The following DMD variants were observed in gnomAD, a reference collection of about 807,000 sequenced individuals.
DMD encodes the protein mutant dystrophin.
In DMD, 63 loss-of-function variants were observed where a neutral mutation model predicts 330.1. That is an observed-to-expected ratio of 0.19 (90% confidence interval 0.16 to 0.24). The LOEUF is 0.24. DMD is among the 10% of genes least tolerant of loss of function. The pLI, the probability that DMD is intolerant of heterozygous loss-of-function variation, is 1.00. For synonymous variants in DMD, 1,223 were observed against 959.8 expected, an observed-to-expected ratio of 1.27 and a Z score of -5.07; for missense variants, 3,344 against 2,684.1, an observed-to-expected ratio of 1.25 and a Z score of -5.43.
intron 4 of DMD, among the ~76,000 whole-genome samples, chrX:32,833,757 A>G (rs1415548972): frequency 9.2e-6 from 1 of 108,961 alleles, no homozygotes; most frequent in Admixed American, 9.9e-5. Context: ...GTGACATTAT[A>G]AGAAATATTT....
intron 55 of DMD, among the ~76,000 whole-genome samples, chrX:31,577,525 G>A (rs2076160291): frequency 8.9e-6 from 1 of 111,986 alleles, no homozygotes; most frequent in African/African-American, 3.3e-5. Context: ...TATTTTGTGT[G>A]GCCTTTTAAA....
chrX:32,349,155 T>A (rs189358814), intron 37 of DMD, among the ~76,000 whole-genome samples: 1 of 111,727 alleles, frequency 9.0e-6, no homozygotes, highest in East Asian at 2.8e-4. Context: ...CTTGTAAACA[T>A]CAGTTTCTTT....
At chrX:32,156,917 G>A (rs146811086) in intron 44 of DMD, among the ~76,000 whole-genome samples, 1 of 110,029 alleles carries the variant, frequency 9.1e-6, no homozygotes, top group African/African-American at 3.3e-5. Flanking sequence ...TCCCAAGGTC[G>A]CCCAACAGAT....
intron 74 of DMD, among the ~76,000 whole-genome samples, chrX:31,153,757 A>G (rs1030158901): frequency 8.9e-6 from 1 of 112,225 alleles, no homozygotes; most frequent in African/African-American, 3.2e-5. Context: ...AAACAAACAT[A>G]TGACATACAG....
chrX:32,813,805 T>C (rs1195982160), intron 6 of DMD, among the ~76,000 whole-genome samples: 1 of 111,727 alleles, frequency 9.0e-6, no homozygotes, highest in African/African-American at 3.3e-5. Context: ...AGTTCCTTTC[T>C]AAACTTGGTA....
Position 32,415,736 on chromosome X carries a change from A to G in DMD, c.4072-3823T>C, listed in dbSNP as rs191722137. ...CAAATATAAGGAAAGTTAGAAAGAC[A>G]TCTTTTAATAACTGGCGATCAATGA... On this transcript the variant is annotated intron_variant, in intron 29 of 78. Transcript: ENST00000357033. Among the ~76,000 whole-genome samples the G allele has an allele frequency of 5.4e-4, 61 of 112,410 alleles. No homozygotes were observed. In the East Asian group the frequency reaches 0.015, roughly 28 times the overall value.
rs768988504 is a variant in DMD at position 32,614,527 on chromosome X, T to C, written c.1332-74A>G. The C allele has an allele frequency of 9.0e-6, 8 of 892,059 alleles. No homozygotes were observed. In the Admixed American group the frequency reaches 2.0e-4, roughly 23 times the overall value. The allele number at this position is 892,059 out of a possible 1,213,427, so 73.5% of individuals were successfully genotyped here. A position where few individuals can be genotyped will look rare whatever the true frequency, so the allele number is the denominator to read the frequency against. ...TACTGAACATCACAATGTAAAACAA[T>C]AGAATTTATAATATATGGAATGTTC... On this transcript the variant is annotated intron_variant, in intron 11 of 78. Coordinates refer to ENST00000357033, the MANE Select transcript of DMD (RefSeq NM_004006.3).
At chrX:32,479,522 G>T (rs2148535630) in intron 21 of DMD, among the ~76,000 whole-genome samples, 1 of 109,881 alleles carries the variant, frequency 9.1e-6, no homozygotes, top group Admixed American at 9.8e-5. Flanking sequence ...ATATAAGTGA[G>T]ATCATACAGT....
At chrX:31,376,496 T>A (rs1295910150) in intron 60 of DMD, among the ~76,000 whole-genome samples, 1 of 110,553 alleles carries the variant, frequency 9.0e-6, no homozygotes, top group Non-Finnish European at 1.9e-5. Context: ...GGTTGGGGAG[T>A]TTTTGTTATT....
intron 44 of DMD, among the ~76,000 whole-genome samples, chrX:31,996,580 A>AT (rs745331614): frequency 3.6e-5 from 4 of 111,395 alleles, no homozygotes; most frequent in African/African-American, 1.3e-4. Context: ...AAAAATCCAC[A>AT]TTTTTTTAGC....
intron 43 of DMD, among the ~76,000 whole-genome samples, chrX:32,265,442 A>C (rs981187827): frequency 5.3e-5 from 6 of 112,380 alleles, no homozygotes; most frequent in Non-Finnish European, 9.4e-5. Context: ...CTCAGAGAGA[A>C]CCTCTACTAG....
intron 60 of DMD, among the ~76,000 whole-genome samples, chrX:31,384,419 C>T (rs767881855): frequency 5.4e-5 from 6 of 111,244 alleles, no homozygotes; most frequent in Non-Finnish European, 9.4e-5. Flanking sequence ...ACTCTGATGA[C>T]CAGAGAAGAG....
intron 1 of DMD, among the ~76,000 whole-genome samples, chrX:33,234,084 T>C (rs1483779335): frequency 8.9e-6 from 1 of 111,969 alleles, no homozygotes; most frequent in African/African-American, 3.2e-5. Context: ...CCTTGCTTCC[T>C]GTCATTGCTC....
intron 60 of DMD, among the ~76,000 whole-genome samples, chrX:31,401,336 G>T (rs1360596407): frequency 9.0e-6 from 1 of 111,635 alleles, no homozygotes; most frequent in African/African-American, 3.3e-5. Flanking sequence ...TAGAAATATT[G>T]AATGCCAGAA....
At chrX:32,683,698 A>C (rs866120411) in intron 9 of DMD, among the ~76,000 whole-genome samples, 13 of 104,894 alleles carry the variant, frequency 1.2e-4, no homozygotes, top group Non-Finnish European at 1.4e-4. Flanking sequence ...ATGTTAAATG[A>C]TGAGTTAATG....
chrX:33,127,177 G>GA (rs35256957), intron 1 of DMD, among the ~76,000 whole-genome samples: 4 of 107,261 alleles, frequency 3.7e-5, no homozygotes, highest in African/African-American at 6.8e-5. Flanking sequence ...TCACCCCCCT[G>GA]AAAAAAAAAC....
chrX:32,462,605 TG>T (rs1186978666), intron 25 of DMD, among the ~76,000 whole-genome samples: 1 of 104,407 alleles, frequency 9.6e-6, no homozygotes, highest in Non-Finnish European at 1.9e-5. Flanking sequence ...ATTTTGTGTG[TG>T]TTTTTTTTTG....
At chrX:32,029,870 A>T (rs776755388) in intron 44 of DMD, among the ~76,000 whole-genome samples, 77 of 111,768 alleles carry the variant, frequency 6.9e-4, no homozygotes, top group African/African-American at 2.4e-3. Context: ...AAATAATCAC[A>T]TTGACATTGT....
At chrX:32,509,054 C>T (rs1479685246) in intron 18 of DMD, among the ~76,000 whole-genome samples, 2 of 109,936 alleles carry the variant, frequency 1.8e-5, no homozygotes, top group Non-Finnish European at 3.8e-5. Flanking sequence ...TCATGATCCA[C>T]CCGCCTCGAC....
Sources: gnomAD v4.1 joint callset for allele counts (sites outside exome capture counted in the v4.1 genomes callset) on GRCh38, gnomAD v4.1.1 for gene constraint, MANE v1.5 for transcripts, NCBI Gene and HGNC (gene_info 2026-07-23, HGNC 2026-07-21) for gene names.